The following KATNAL1 variants were observed in gnomAD, a reference collection of about 807,000 sequenced individuals.
KATNAL1 encodes katanin p60 ATPase-containing subunit A-like 1.
In KATNAL1, 32 loss-of-function variants were observed where a neutral mutation model predicts 55.2. The observed-to-expected ratio is 0.58, with a 90% CI of 0.44 to 0.78. The LOEUF is 0.78. Ranked by LOEUF, KATNAL1 falls within the 30% of genes least tolerant of loss-of-function variation. KATNAL1 has a pLI of 0.00. For synonymous variants in KATNAL1, 193 were observed against 193.6 expected, an observed-to-expected ratio of 1.00 and a Z score of 0.02; for missense variants, 466 against 600.9, an observed-to-expected ratio of 0.78 and a Z score of 2.35.
At chr13:30,253,250 C>T (rs77810021) in intron 4 of KATNAL1, among the ~76,000 whole-genome samples, 2,008 of 152,290 alleles carry the variant, frequency 0.013, 36 homozygotes, top group African/African-American at 0.045. Flanking sequence ...TTTTGAAAAA[C>T]TGTAGTCCCC....
chr13:30,259,881 G>C (rs1879125849), intron 3 of KATNAL1, among the ~76,000 whole-genome samples: 1 of 152,224 alleles, frequency 6.6e-6, no homozygotes, highest in Non-Finnish European at 1.5e-5. Context: ...ACAACTCAAG[G>C]AGGCCTGCCT....
chr13:30,241,158 AC>A (rs1389807377), intron 4 of KATNAL1, 72 bp from the exon 5 acceptor site: 2 of 1,276,920 alleles, frequency 1.6e-6, no homozygotes, highest in Admixed American at 4.3e-5. Context: ...CGCTTTGAAA[AC>A]ATTATAATGC....
intron 3 of KATNAL1, among the ~76,000 whole-genome samples, chr13:30,272,499 C>A (rs1880458297): frequency 6.6e-6 from 1 of 152,184 alleles, no homozygotes; most frequent in African/African-American, 2.4e-5. Flanking sequence ...ATGACAATCA[C>A]TAACATGCAG....
intron 1 of KATNAL1, among the ~76,000 whole-genome samples, chr13:30,287,778 T>C (rs1881888370): frequency 6.6e-6 from 1 of 152,224 alleles, no homozygotes; most frequent in Non-Finnish European, 1.5e-5. Flanking sequence ...GCATAAATCC[T>C]ACTTACAAAT....
At chr13:30,243,748 C>T (rs927838407) in intron 4 of KATNAL1, among the ~76,000 whole-genome samples, 4 of 152,096 alleles carry the variant, frequency 2.6e-5, no homozygotes, top group Middle Eastern at 3.4e-3. Flanking sequence ...TACCACGCAT[C>T]GGAAATTACT....
chr13:30,237,481 T>C (rs1370562345), intron 6 of KATNAL1, among the ~76,000 whole-genome samples: 1 of 152,200 alleles, frequency 6.6e-6, no homozygotes, highest in Non-Finnish European at 1.5e-5. Context: ...CAGTAGTCTA[T>C]TTCTTGGGCA....
At position 30,307,349 on chromosome 13, in the gene KATNAL1, G is replaced by A. The variant is rs984425209; in HGVS notation, c.-33C>T. The A allele has an allele frequency of 2.0e-5, 3 of 153,784 alleles. No individual in the cohort carries two copies. The highest frequency in any genetic ancestry group is 2.9e-5 in the Non-Finnish European group (2 of 68,714). 9.5% of individuals were successfully genotyped at this position (153,784 alleles called of 1,614,324 possible). ...TCATTACCCAGAAGGCGCAGGTCCGGGCACATTCAGCGATGCGGTCCAGAT... is the reference window on the plus strand; with the variant it reads ...TCATTACCCAGAAGGCGCAGGTCCGAGCACATTCAGCGATGCGGTCCAGAT... On this transcript the variant is annotated 5_prime_UTR_variant, in exon 1 of 11. Coordinates refer to ENST00000380615, the MANE Select transcript of KATNAL1 (RefSeq NM_032116.5).
intron 9 of KATNAL1, among the ~76,000 whole-genome samples, chr13:30,217,649 C>T (rs1449655557): frequency 6.6e-6 from 1 of 152,180 alleles, no homozygotes; most frequent in East Asian, 1.9e-4. Context: ...CAGTCCAGTA[C>T]AGGAGACAAC....
intron 4 of KATNAL1, among the ~76,000 whole-genome samples, chr13:30,248,751 C>T (rs1878021993): frequency 6.6e-6 from 1 of 152,010 alleles, no homozygotes; most frequent in Non-Finnish European, 1.5e-5. Flanking sequence ...GTGGTGAAAC[C>T]CCATCTCTAC....
chr13:30,254,978 T>A (rs1336088160), intron 4 of KATNAL1, among the ~76,000 whole-genome samples: 1 of 152,138 alleles, frequency 6.6e-6, no homozygotes, highest in Non-Finnish European at 1.5e-5. Context: ...GCAAGGGGAA[T>A]CTTCTCAAGG....
chr13:30,304,896 G>A (rs1883085957), intron 1 of KATNAL1, among the ~76,000 whole-genome samples: 1 of 152,160 alleles, frequency 6.6e-6, no homozygotes. Flanking sequence ...AATCAGCTAA[G>A]AGTTCCAAAT....
In KATNAL1 at chr13:30,208,364, C is replaced by G. The variant is rs1873343789; in HGVS notation, c.*176G>C. Reference sequence around the variant, plus strand: ...AGCCGGGGAGGGAGACTAGCAAACTCTCGCCATCAATTATTTCTCAACTAC... The same window carrying G: ...AGCCGGGGAGGGAGACTAGCAAACTGTCGCCATCAATTATTTCTCAACTAC... On this transcript the variant is annotated 3_prime_UTR_variant, in exon 11 of 11. Coordinates refer to ENST00000380615, the MANE Select transcript of KATNAL1 (RefSeq NM_032116.5). 1.8e-6 allele frequency: 1 copy of G among 559,496 alleles called. No individual in the cohort carries two copies. The highest frequency in any genetic ancestry group is 3.1e-6 in the Non-Finnish European group (1 of 325,396). The allele number at this position is 559,496 out of a possible 1,614,324, so 34.7% of individuals were successfully genotyped here.
chr13:30,209,436 T>A (rs1316665841), intron 10 of KATNAL1, among the ~76,000 whole-genome samples: 1 of 152,182 alleles, frequency 6.6e-6, no homozygotes, highest in Non-Finnish European at 1.5e-5. Flanking sequence ...GCCACTAAAC[T>A]TGGATGCACA....
intron 1 of KATNAL1, among the ~76,000 whole-genome samples, chr13:30,301,502 G>C (rs1332757435): frequency 6.6e-6 from 1 of 152,106 alleles, no homozygotes; most frequent in Non-Finnish European, 1.5e-5. Context: ...TGTTTTTCTA[G>C]GCATTATCTC....
At chr13:30,261,211 T>G (rs541034361) in intron 3 of KATNAL1, among the ~76,000 whole-genome samples, 61 of 152,046 alleles carry the variant, frequency 4.0e-4, no homozygotes, top group South Asian at 6.2e-4. Flanking sequence ...AAGAGCTCCT[T>G]AAGGAAGCAC....
At chr13:30,304,472 C>G (rs561337095) in intron 1 of KATNAL1, among the ~76,000 whole-genome samples, 9 of 152,168 alleles carry the variant, frequency 5.9e-5, no homozygotes, top group African/African-American at 2.2e-4. Context: ...GTTTCACCAT[C>G]TTGGCCAGGA....
At chr13:30,293,231 T>C (rs1041031107) in intron 1 of KATNAL1, among the ~76,000 whole-genome samples, 9 of 152,198 alleles carry the variant, frequency 5.9e-5, no homozygotes, top group Admixed American at 5.9e-4. Flanking sequence ...TTTTTCCACC[T>C]CTCTGTCCTT....
intron 8 of KATNAL1, among the ~76,000 whole-genome samples, chr13:30,229,825 G>GA (rs1272232573): frequency 1.3e-5 from 2 of 151,162 alleles, no homozygotes; most frequent in African/African-American, 2.4e-5. Context: ...AAATTGTATG[G>GA]AAAAAACCTA....
chr13:30,219,644 A>T (rs1443589850), intron 9 of KATNAL1, among the ~76,000 whole-genome samples: 1 of 152,240 alleles, frequency 6.6e-6, no homozygotes, highest in African/African-American at 2.4e-5. Context: ...ATTAATATAG[A>T]TAAAAGAAAA....
Sources: allele counts gnomAD v4.1 joint callset (sites outside exome capture counted in the v4.1 genomes callset), GRCh38; gene constraint gnomAD v4.1.1; transcripts MANE v1.5; gene names NCBI Gene and HGNC (gene_info 2026-07-23, HGNC 2026-07-21).